The following CCP110 variants were observed in gnomAD, a reference collection of about 807,000 sequenced individuals.
The protein encoded by CCP110 is centriolar coiled-coil protein 110.
In CCP110, 43 loss-of-function variants were observed where a neutral mutation model predicts 105.5. The observed-to-expected ratio is 0.41, with a 90% CI of 0.32 to 0.53. CCP110 has a LOEUF of 0.53. Among genes scored for constraint, CCP110 ranks in the 20% least tolerant of loss-of-function variants. The probability of loss-of-function intolerance (pLI) is 0.32; values close to 1 mark genes in which losing one functional copy is unlikely to be tolerated. For synonymous variants in CCP110, 353 were observed against 392.1 expected (o/e 0.90, Z 1.18); for missense variants, 1,016 against 1,189.1 (o/e 0.85, Z 2.14).
intron 4 of CCP110, among the ~76,000 whole-genome samples, chr16:19,539,436 T>G (rs938850755): frequency 6.6e-6 from 1 of 151,466 alleles, no homozygotes; most frequent in Non-Finnish European, 1.5e-5. Context: ...GCGATCTCAG[T>G]TCACTGTAGG....
chr16:19,541,899 C>G, exon 6 of CCP110: 1 of 1,582,992 alleles, frequency 6.3e-7, no homozygotes, highest in Middle Eastern at 1.7e-4. Flanking sequence ...AATAGAAGAG[C>G]AGGAGAAAAT....
chr16:19,550,130 A>T (rs748210923), intron 14 of CCP110, among the ~76,000 whole-genome samples: 4 of 151,966 alleles, frequency 2.6e-5, no homozygotes, highest in Non-Finnish European at 5.9e-5. Flanking sequence ...TATTTAGACA[A>T]TTGAAAGAAA....
intron 5 of CCP110, 110 bp from the exon 6 acceptor site, chr16:19,541,773 GAAAT>G (rs1970294813): frequency 7.8e-6 from 4 of 513,914 alleles, no homozygotes; most frequent in Admixed American, 3.8e-5. Flanking sequence ...AGAAAAACTT[GAAAT>G]AAATAATAAT....
In CCP110 at chr16:19,548,695, T is replaced by C; in HGVS notation, c.2986+95T>C. 1.4e-6 allele frequency: 1 copy of C among 740,178 alleles called. No individual in the cohort carries two copies. Among genetic ancestry groups the C allele is most frequent in the Admixed American group, 2.9e-5 (1 of 35,004 alleles). 45.9% of individuals were successfully genotyped at this position (740,178 alleles called of 1,614,324 possible). A position where few individuals can be genotyped will look rare whatever the true frequency, so the allele number is the denominator to read the frequency against. On this transcript the variant is annotated intron_variant, in intron 14 of 14. Transcript: ENST00000381396. The surrounding 1 kb of genome is among the most constrained non-coding windows in gnomAD (Gnocchi z 4.1). ...CCATAGAAGTGGAATAGATTGTCTT[T>C]CCTTGCCACCATAATTTTGGCATAT...
At chr16:19,546,979 A>C (rs1241608586) in intron 12 of CCP110, 1 of 154,158 alleles carries the variant, frequency 6.5e-6, no homozygotes, top group African/African-American at 2.4e-5. Context: ...ATACCTAGTC[A>C]CATGTCAGAC....
intron 1 of CCP110, among the ~76,000 whole-genome samples, chr16:19,527,578 C>G (rs1260380411): frequency 6.6e-6 from 1 of 151,970 alleles, no homozygotes. Context: ...ACTTTGTTTC[C>G]TTTAAGAAGG....
chr16:19,530,720 G>A (rs906274843), intron 2 of CCP110, among the ~76,000 whole-genome samples: 3 of 151,636 alleles, frequency 2.0e-5, no homozygotes, highest in South Asian at 2.1e-4. Context: ...TTGGGAGCCC[G>A]AGATGGGTGT....
At chr16:19,544,878 C>A in exon 9 of CCP110, 1 of 1,588,926 alleles carries the variant, frequency 6.3e-7, no homozygotes, top group Non-Finnish European at 8.6e-7. Context: ...TGCTTCACTT[C>A]AGGAAAGAGT....
Position 19,548,648 on chromosome 16 carries a change from A to G in CCP110, c.2986+48A>G. On this transcript the variant is annotated intron_variant, in intron 14 of 14. Coordinates refer to ENST00000381396, the Ensembl canonical transcript of CCP110. This position sits in a 1 kb window ranked among gnomAD's most constrained non-coding sequence, Gnocchi z 4.1. ...AAGCCCATTCAATAGAAGGAAGTGC[A>G]CAAGCTGCCCCATAACTCAGGCCAT... 2 of 1,169,466 alleles carry G rather than the reference A, an allele frequency of 1.7e-6. No homozygotes were observed. Among genetic ancestry groups the G allele is most frequent in the South Asian group, 1.4e-5 (1 of 73,738 alleles). 72.4% of individuals were successfully genotyped at this position (1,169,466 alleles called of 1,614,324 possible).
chr16:19,526,451 T>C (rs1409984464), intron 1 of CCP110: 2 of 152,122 alleles, frequency 1.3e-5, no homozygotes, highest in African/African-American at 4.8e-5. Context: ...CCTTAAGGTG[T>C]TTTATTGTTT....
intron 11 of CCP110, chr16:19,546,192 G>C (rs910213512): frequency 3.9e-6 from 2 of 515,226 alleles, no homozygotes; most frequent in Admixed American, 7.5e-5. Context: ...ATGTCCTAAA[G>C]GTTTCTTGGG....
chr16:19,544,718 G>A, intron 8 of CCP110, 79 bp from the exon 9 acceptor site: 3 of 766,888 alleles, frequency 3.9e-6, no homozygotes, highest in South Asian at 3.3e-5. Context: ...TGGATTGACT[G>A]AGAAAAAGAA....
intron 3 of CCP110, 102 bp from the exon 4 acceptor site, chr16:19,535,838 C>T: frequency 1.2e-6 from 1 of 827,888 alleles, no homozygotes; most frequent in East Asian, 2.8e-5. Context: ...TTTGAAATGT[C>T]AGAATTCTGA....
At chr16:19,531,398 G>A (rs1208965876) in intron 2 of CCP110, among the ~76,000 whole-genome samples, 1 of 152,128 alleles carries the variant, frequency 6.6e-6, no homozygotes, top group Non-Finnish European at 1.5e-5. Flanking sequence ...ACTGTTAACA[G>A]TGATTTAATT....
exon 4 of CCP110, chr16:19,537,072 A>C: frequency 6.2e-7 from 1 of 1,614,244 alleles, no homozygotes; most frequent in East Asian, 2.2e-5. Flanking sequence ...TCAGGAAATC[A>C]TTTAGAAAAT....
chr16:19,542,108 CG>C, intron 6 of CCP110, 44 bp downstream of exon 6: 1 of 1,302,520 alleles, frequency 7.7e-7, no homozygotes, highest in Non-Finnish European at 1.1e-6. Context: ...AGTGATCCTA[CG>C]GTAAGATATT....
chr16:19,543,712 A>G (rs1008076320), intron 8 of CCP110, among the ~76,000 whole-genome samples: 9 of 152,146 alleles, frequency 5.9e-5, no homozygotes, highest in African/African-American at 2.2e-4. Flanking sequence ...GGGGGGAGGT[A>G]TATAAACGGC....
Position 19,532,561 on chromosome 16 carries a change from G to GT in CCP110, c.270+20dup, listed in dbSNP as rs776544674. On this transcript the variant is annotated intron_variant, in intron 3 of 14. Transcript: ENST00000381396. ...AATGTTCAGGTGTGTGATTTTAGCT[G>GT]TTTCAGTTATAATAAAGAAATCATA... 1 of 1,562,424 alleles carries GT rather than the reference G, an allele frequency of 6.4e-7. No homozygotes were observed. Among genetic ancestry groups the GT allele is most frequent in the South Asian group, 1.2e-5 (1 of 82,774 alleles).
Position 19,543,013 on chromosome 16 carries a change from G to A in CCP110, c.2484+19G>A, listed in dbSNP as rs372300462. On this transcript the variant is annotated intron_variant, in intron 8 of 14. Transcript: ENST00000381396. ...TGTAAAAGTAAGATTCCTGTAAATC[G>A]TTTGTATTTCACTTCTGTCTTAGTT... 1.6e-5 allele frequency: 21 copies of A among 1,318,016 alleles called. No homozygotes were observed. The highest frequency in any genetic ancestry group is 1.5e-4 in the Admixed American group (9 of 58,124). 81.6% of individuals were successfully genotyped at this position (1,318,016 alleles called of 1,614,324 possible).
Sources: allele counts gnomAD v4.1 joint callset (sites outside exome capture counted in the v4.1 genomes callset), GRCh38; gene constraint gnomAD v4.1.1; non-coding constraint Gnocchi (gnomAD v3.1); transcripts MANE v1.5; gene names NCBI Gene and HGNC (gene_info 2026-07-23, HGNC 2026-07-21).